Variants in DPP10 observed in about 807,000 individuals in gnomAD.
DPP10 encodes the protein dipeptidyl peptidase like 10, also known as inactive dipeptidyl peptidase 10.
A neutral mutation model predicts 120.9 loss-of-function variants in DPP10; 33 were observed. That is an observed-to-expected ratio of 0.27 (90% CI 0.21 to 0.37). The LOEUF (loss-of-function observed/expected upper bound fraction) is 0.37. Ranked by LOEUF, DPP10 falls within the 10% of genes least tolerant of loss-of-function variation. DPP10 has a pLI of 1.00. For synonymous variants in DPP10, 337 were observed against 326.1 expected (o/e 1.03, Z -0.36); for missense variants, 816 against 942.8 (o/e 0.87, Z 1.76).
chr2:115,245,414 T>G (rs2058490301), intron 1 of DPP10, among the ~76,000 whole-genome samples: 1 of 151,810 alleles, frequency 6.6e-6, no homozygotes, highest in African/African-American at 2.4e-5. Flanking sequence ...AAATGCGAAT[T>G]AAAACTAATG....
chr2:114,897,883 C>T (rs1339230273), intron 1 of DPP10, among the ~76,000 whole-genome samples: 1 of 151,718 alleles, frequency 6.6e-6, no homozygotes, highest in East Asian at 1.9e-4. Flanking sequence ...AATAGGAACA[C>T]TTTTACACTG....
intron 1 of DPP10, among the ~76,000 whole-genome samples, chr2:115,236,548 C>G (rs993878735): frequency 2.0e-5 from 3 of 152,158 alleles, no homozygotes; most frequent in Non-Finnish European, 4.4e-5. Flanking sequence ...ACATTATTAA[C>G]TGATCACGGC....
At chr2:114,913,615 A>G (rs2106635648) in intron 1 of DPP10, among the ~76,000 whole-genome samples, 1 of 152,324 alleles carries the variant, frequency 6.6e-6, no homozygotes, top group East Asian at 1.9e-4. Context: ...ACTTCAGCCC[A>G]AATAGATGAG....
At chr2:115,749,204 A>G (rs989491632) in intron 10 of DPP10, among the ~76,000 whole-genome samples, 10 of 152,210 alleles carry the variant, frequency 6.6e-5, no homozygotes, top group African/African-American at 2.4e-4. Flanking sequence ...ATTTTAAAAT[A>G]TATATTTACT....
chr2:115,365,570 AT>A (rs1006454988), intron 3 of DPP10, among the ~76,000 whole-genome samples: 10 of 151,094 alleles, frequency 6.6e-5, no homozygotes, highest in South Asian at 4.2e-4. Flanking sequence ...ATATGAAAGT[AT>A]TTTTTTTTCT....
intron 5 of DPP10, among the ~76,000 whole-genome samples, chr2:115,593,305 T>C (rs555259562): frequency 1.6e-4 from 25 of 152,296 alleles, no homozygotes; most frequent in Middle Eastern, 3.4e-3. Context: ...GGTGCCTCTA[T>C]AGACTAGCTT....
At chr2:115,681,543 T>C (rs765109248) in intron 5 of DPP10, among the ~76,000 whole-genome samples, 8 of 151,850 alleles carry the variant, frequency 5.3e-5, no homozygotes, top group Non-Finnish European at 1.0e-4. Context: ...CTGGTTGTAA[T>C]CTCTTGGGCT....
chr2:115,576,275 T>G lies in DPP10; in HGVS notation c.441+50303T>G, dbSNP rs1203913858. On this transcript the variant is annotated intron_variant, in intron 5 of 25. Coordinates refer to ENST00000410059, the MANE Select transcript of DPP10 (RefSeq NM_020868.6). ...AGAAAAGATAAAAATAAATGGAAAT[T>G]TCAACAATGATAAAGGAACAAGACA... Among the ~76,000 whole-genome samples the G allele has an allele frequency of 2.0e-5, 3 of 152,164 alleles. No individual in the cohort carries two copies. The East Asian group carries it at 5.8e-4, about 29-fold the overall frequency.
intron 1 of DPP10, among the ~76,000 whole-genome samples, chr2:114,899,902 G>T (rs1272961751): frequency 1.3e-5 from 2 of 152,244 alleles, no homozygotes; most frequent in East Asian, 3.9e-4. Flanking sequence ...GGAGCTGGCA[G>T]TGAGCCAAGA....
At chr2:114,866,616 G>T (rs1690256462) in intron 1 of DPP10, among the ~76,000 whole-genome samples, 3 of 152,276 alleles carry the variant, frequency 2.0e-5, no homozygotes, top group South Asian at 4.1e-4. Context: ...GGCAGCTGAG[G>T]TTTAGAGATG....
chr2:114,906,715 T>A (rs1264609937), intron 1 of DPP10, among the ~76,000 whole-genome samples: 1 of 152,176 alleles, frequency 6.6e-6, no homozygotes, highest in Non-Finnish European at 1.5e-5. Context: ...TCCCACTTGG[T>A]CATATTATAT....
Position 115,845,212 on chromosome 2 carries a change from C to T in DPP10, c.*2867C>T, listed in dbSNP as rs1690519276. The T allele has an allele frequency of 6.6e-6, 1 of 152,164 alleles. No homozygotes were observed. The allele number at this position is 152,164 out of a possible 1,614,324, so 9.4% of individuals were successfully genotyped here. A position where few individuals can be genotyped will look rare whatever the true frequency, so the allele number is the denominator to read the frequency against. On this transcript the variant is annotated 3_prime_UTR_variant, in exon 26 of 26. Coordinates refer to ENST00000410059, the MANE Select transcript of DPP10 (RefSeq NM_020868.6). ...TAGAATCACTGACAGCACATAGCTT[C>T]TATGAGGAGTTATATATGAAATACC...
intron 1 of DPP10, among the ~76,000 whole-genome samples, chr2:115,137,265 G>T (rs2050694650): frequency 1.3e-5 from 2 of 152,182 alleles, no homozygotes; most frequent in Admixed American, 6.5e-5. Flanking sequence ...GAACTTTAGA[G>T]AGTGCAAGAA....
At chr2:115,694,809 A>C (rs920931180) in intron 7 of DPP10, among the ~76,000 whole-genome samples, 13 of 152,162 alleles carry the variant, frequency 8.5e-5, no homozygotes, top group African/African-American at 2.9e-4. Context: ...AGAAGCAGCT[A>C]CCTATCTTCG....
At chr2:115,610,570 A>G (rs1433830119) in intron 5 of DPP10, among the ~76,000 whole-genome samples, 3 of 152,094 alleles carry the variant, frequency 2.0e-5, no homozygotes, top group African/African-American at 7.2e-5. Context: ...AAAGAGCTAC[A>G]TGGGCAGAGA....
chr2:115,832,420 G>A (rs902832995), intron 21 of DPP10, among the ~76,000 whole-genome samples: 1 of 152,200 alleles, frequency 6.6e-6, no homozygotes, highest in Non-Finnish European at 1.5e-5. Context: ...AGCCTGGGAG[G>A]CAGCGGTTGC....
At position 115,836,156 on chromosome 2, in the gene DPP10, G is replaced by A; in HGVS notation, c.1951-1G>A. ...TATATATATATATTTTTCCCCCCCAGGGTTATGGTGGCTATATTGCATCAA... is the reference window on the plus strand; with the variant it reads ...TATATATATATATTTTTCCCCCCCAAGGTTATGGTGGCTATATTGCATCAA... On this transcript the variant is annotated splice_acceptor_variant, in intron 21 of 25. Transcript: ENST00000410059. LOFTEE classifies it high-confidence loss of function. The A allele has an allele frequency of 6.4e-7, 1 of 1,561,692 alleles. No individual in the cohort carries two copies. The highest frequency in any genetic ancestry group is 8.7e-7 in the Non-Finnish European group (1 of 1,155,550).
intron 3 of DPP10, among the ~76,000 whole-genome samples, chr2:115,412,859 G>A (rs778497429): frequency 1.3e-5 from 2 of 152,138 alleles, no homozygotes; most frequent in African/African-American, 2.4e-5. Context: ...ATAGATGGGT[G>A]CTTCCATTGT....
At chr2:115,701,747 T>C (rs911238631) in intron 7 of DPP10, among the ~76,000 whole-genome samples, 9 of 152,018 alleles carry the variant, frequency 5.9e-5, no homozygotes, top group Non-Finnish European at 1.2e-4. Context: ...AGTTCTTATA[T>C]AGAGGGATTC....
Sources: allele counts gnomAD v4.1 joint callset (sites outside exome capture counted in the v4.1 genomes callset), GRCh38; gene constraint gnomAD v4.1.1; transcripts MANE v1.5; gene names NCBI Gene and HGNC (gene_info 2026-07-23, HGNC 2026-07-21).